Variants in NOMO1 observed in about 807,000 individuals in gnomAD.
The protein encoded by NOMO1 is NODAL modulator 1.
In NOMO1, 40 loss-of-function variants were observed where a neutral mutation model predicts 133.8. The ratio of observed to expected loss-of-function variants is 0.30; its 90% CI spans 0.23 to 0.39. NOMO1 has a LOEUF of 0.39. Ranked by LOEUF, NOMO1 falls within the 10% of genes least tolerant of loss-of-function variation. NOMO1 has a pLI of 1.00. For synonymous variants in NOMO1, 236 were observed against 570.5 expected (o/e 0.41, Z 8.36); for missense variants, 462 against 1,419.9 (o/e 0.33, Z 10.84).
chr16:14,866,779 C>T (rs537610282), intron 15 of NOMO1, 88 bp downstream of exon 15: 30 of 1,608,124 alleles, frequency 1.9e-5, no homozygotes, highest in South Asian at 4.4e-5. Context: ...ATATTGTAAA[C>T]GTAGGCAAGT....
chr16:14,851,075 C>A, intron 6 of NOMO1, among the ~76,000 whole-genome samples: 1 of 84,872 alleles, frequency 1.2e-5, no homozygotes. Context: ...CAGAGTGAGA[C>A]TCCATCTCAA....
intron 11 of NOMO1, among the ~76,000 whole-genome samples, chr16:14,859,157 G>A (rs974890676): frequency 6.6e-5 from 10 of 152,016 alleles, no homozygotes; most frequent in Admixed American, 2.0e-4. Flanking sequence ...GACCTAGGGA[G>A]CATGAGGTCA....
chr16:14,842,652 C>G (rs1316833494), intron 3 of NOMO1, among the ~76,000 whole-genome samples: 3 of 151,924 alleles, frequency 2.0e-5, no homozygotes, highest in Admixed American at 1.3e-4. Flanking sequence ...TCACCAGCAC[C>G]CCAGAAGTCC....
Position 14,881,691 on chromosome 16 carries a change from A to T in NOMO1, c.3027+6A>T, listed in dbSNP as rs1312433889. ...TCAGATTACGTGGATTGCTGGTGAG[A>T]CTTGGAATGGGTTTTCTTTGGGGAC... On this transcript the variant is annotated splice_donor_region_variant and intron_variant, in intron 25 of 30. Coordinates refer to ENST00000287667, the MANE Select transcript of NOMO1 (RefSeq NM_014287.4). 1.9e-6 allele frequency: 3 copies of T among 1,611,396 alleles called. No homozygotes were observed. In the East Asian group the frequency reaches 6.7e-5, roughly 36 times the overall value.
intron 1 of NOMO1, among the ~76,000 whole-genome samples, chr16:14,836,792 G>T (rs1335219284): frequency 7.0e-6 from 1 of 142,824 alleles, no homozygotes; most frequent in Non-Finnish European, 1.5e-5. Flanking sequence ...TGCAAGCTCC[G>T]CTTCCCGGGT....
chr16:14,855,219 C>CT (rs1360069948), intron 9 of NOMO1, among the ~76,000 whole-genome samples: 1 of 151,724 alleles, frequency 6.6e-6, no homozygotes, highest in East Asian at 1.9e-4. Flanking sequence ...CAGGTGAGAA[C>CT]TGGCAGAGCT....
At chr16:14,851,122 T>C (rs1397009554) in intron 6 of NOMO1, among the ~76,000 whole-genome samples, 17 of 149,294 alleles carry the variant, frequency 1.1e-4, no homozygotes, top group South Asian at 6.4e-4. Flanking sequence ...ATGAAAGAGC[T>C]TACACATTTA....
chr16:14,870,943 T>G (rs1159734615), intron 16 of NOMO1, among the ~76,000 whole-genome samples: 2 of 151,152 alleles, frequency 1.3e-5, no homozygotes, highest in East Asian at 1.9e-4. Flanking sequence ...GATTTTTTTT[T>G]TTTTTTTGAT....
At chr16:14,838,139 A>G (rs1324122016) in intron 1 of NOMO1, among the ~76,000 whole-genome samples, 1 of 151,956 alleles carries the variant, frequency 6.6e-6, no homozygotes. Context: ...AGCAACCTAG[A>G]GACAGCCACT....
At position 14,891,548 on chromosome 16, in the gene NOMO1, T is replaced by A. The variant is rs932774282; in HGVS notation, c.3444+2333T>A. ...TATTGTGTTTTTTTCAGGCAGACTT[T>A]TATAGTTTCTGTTTTTACATTTAAA... is the stretch of plus-strand genomic sequence containing the variant. On this transcript the variant is annotated intron_variant, in intron 29 of 30. Coordinates refer to ENST00000287667, the MANE Select transcript of NOMO1 (RefSeq NM_014287.4). 9.2e-5 allele frequency among the ~76,000 whole-genome samples: 14 copies of A among 152,008 alleles called. 1 individual carries two copies. The highest frequency in any genetic ancestry group is 3.4e-4 in the African/African-American group (14 of 41,324).
Position 14,895,016 on chromosome 16 carries a change from G to T in NOMO1, c.3463G>T (p.Asp1155Tyr). 1.2e-6 allele frequency: 2 copies of T among 1,610,274 alleles called. No homozygotes were observed. The highest frequency in any genetic ancestry group is 1.7e-6 in the Non-Finnish European group (2 of 1,179,078). Residue 1155 changes from aspartate (D) to tyrosine (Y), a missense_variant, in exon 30 of 31, where the codon GAC (aspartate) becomes TAC (tyrosine). Physicochemically the swap from Asp to Tyr is radical, Grantham distance 160. Transcript: ENST00000287667. ...TTTGCAGAGGAAGCTGCCTGAACAGGACATCGCACAAGGATCCTACATTGC... is the reference window on the plus strand; with the variant it reads ...TTTGCAGAGGAAGCTGCCTGAACAGTACATCGCACAAGGATCCTACATTGC... ...FNPTRKLPEQ[D>Y]IAQGSYIALP... is the part of the protein sequence containing the mutation.
At chr16:14,842,038 C>T (rs1432255661) in intron 3 of NOMO1, among the ~76,000 whole-genome samples, 1 of 152,036 alleles carries the variant, frequency 6.6e-6, no homozygotes, top group Non-Finnish European at 1.5e-5. Context: ...TATTCAGAAA[C>T]AGCCCTTCTG....
At chr16:14,871,369 T>G (rs946005393) in intron 16 of NOMO1, among the ~76,000 whole-genome samples, 28 of 151,908 alleles carry the variant, frequency 1.8e-4, no homozygotes, top group Non-Finnish European at 3.7e-4. Context: ...TTAACTACTG[T>G]GAGTTGTTAC....
intron 27 of NOMO1, among the ~76,000 whole-genome samples, chr16:14,884,925 G>C (rs987373629): frequency 3.3e-5 from 5 of 152,004 alleles, no homozygotes; most frequent in Non-Finnish European, 5.9e-5. Context: ...AGGTTTCATT[G>C]GCTCCTCGTT....
At chr16:14,842,771 C>T (rs1328837733) in intron 3 of NOMO1, among the ~76,000 whole-genome samples, 1 of 150,492 alleles carries the variant, frequency 6.6e-6, no homozygotes, top group Non-Finnish European at 1.5e-5. Flanking sequence ...TATACAAATG[C>T]TATCATGCAG....
intron 22 of NOMO1, among the ~76,000 whole-genome samples, chr16:14,877,085 A>G (rs1232056477): frequency 7.4e-6 from 1 of 134,624 alleles, no homozygotes; most frequent in African/African-American, 2.7e-5. Context: ...GCCATTGAGA[A>G]TAATGGCAGA....
chr16:14,883,626 T>C (rs373864989), intron 26 of NOMO1, among the ~76,000 whole-genome samples: 2,890 of 149,506 alleles, frequency 0.019, 103 homozygotes, highest in African/African-American at 0.066. Flanking sequence ...GCCACCGCAC[T>C]GGGCCGGAAG....
intron 15 of NOMO1, among the ~76,000 whole-genome samples, chr16:14,867,102 A>C: frequency 9.2e-6 from 1 of 108,682 alleles, no homozygotes. Flanking sequence ...TTAGGTATCA[A>C]AGTGTCCTTG....
rs1480444860 is a variant in NOMO1, at chr16:14,884,769, A to T, written c.3222+287A>T. Among the ~76,000 whole-genome samples the T allele has an allele frequency of 2.0e-5, 3 of 152,058 alleles. No homozygotes were observed. In the East Asian group the frequency reaches 5.8e-4, roughly 29 times the overall value. The stretch of plus-strand genomic sequence containing the variant: ...AATTATAGTAGAAGCCTGATCAATG[A>T]TCAATACAATATGGAATCTAACGTG... On this transcript the variant is annotated intron_variant, in intron 27 of 30. Coordinates refer to ENST00000287667, the MANE Select transcript of NOMO1 (RefSeq NM_014287.4).
Sources: allele counts gnomAD v4.1 joint callset (sites outside exome capture counted in the v4.1 genomes callset), GRCh38; gene constraint gnomAD v4.1.1; transcripts MANE v1.5; gene names NCBI Gene and HGNC (gene_info 2026-07-23, HGNC 2026-07-21).